The following ENTHD1 variants were observed in gnomAD, a reference collection of about 807,000 sequenced individuals.
ENTHD1 encodes ENTH domain-containing protein 1.
Under a neutral mutation model 39.1 loss-of-function variants are expected in ENTHD1, and 23 were observed. That is an observed-to-expected ratio of 0.59 (90% CI 0.42 to 0.83). The LOEUF is 0.83. Ranked by LOEUF, ENTHD1 falls within the 40% of genes least tolerant of loss-of-function variation. The probability of loss-of-function intolerance (pLI) is 0.00; values close to 1 mark genes in which losing one functional copy is unlikely to be tolerated. For synonymous variants in ENTHD1, 230 were observed against 258.2 expected, an observed-to-expected ratio of 0.89 and a Z score of 1.05; for missense variants, 624 against 705.4, an observed-to-expected ratio of 0.88 and a Z score of 1.31.
At chr22:39,759,767 G>T (rs1020257536) in intron 6 of ENTHD1, among the ~76,000 whole-genome samples, 1 of 151,476 alleles carries the variant, frequency 6.6e-6, no homozygotes, top group Non-Finnish European at 1.5e-5. Context: ...CACATTTTTT[G>T]ATTTTCATTA....
At chr22:39,817,578 T>C (rs1031285061) in intron 5 of ENTHD1, among the ~76,000 whole-genome samples, 8 of 152,198 alleles carry the variant, frequency 5.3e-5, no homozygotes, top group Admixed American at 2.0e-4. Flanking sequence ...AAACTGGTAA[T>C]AGTTCACTCT....
intron 3 of ENTHD1, among the ~76,000 whole-genome samples, chr22:39,855,589 T>TAA (rs111260316): frequency 4.4e-5 from 6 of 136,360 alleles, no homozygotes; most frequent in African/African-American, 1.4e-4. Flanking sequence ...TGTGACTTGT[T>TAA]AAAAAAAAAA....
chr22:39,816,355 G>A (rs1031484723), intron 5 of ENTHD1, among the ~76,000 whole-genome samples: 4 of 152,108 alleles, frequency 2.6e-5, no homozygotes, highest in Non-Finnish European at 4.4e-5. Flanking sequence ...GGAAAATAAC[G>A]CCATTTCATC....
At position 39,757,261 on chromosome 22, in the gene ENTHD1, ATTAT is replaced by A. The variant is rs368007094; in HGVS notation, c.1219+7958_1219+7961del. 1.7e-3 allele frequency among the ~76,000 whole-genome samples: 266 copies of A among 152,040 alleles called. 1 individual carries two copies. Among genetic ancestry groups the A allele is most frequent in the African/African-American group, 6.0e-3 (248 of 41,450 alleles). On this transcript the variant is annotated intron_variant, in intron 6 of 6. Transcript: ENST00000325157. ...GGTACTGTTTTAATTTCAATTTCTA[ATTAT>A]TTATTATTGTTGTTTGTTTTTTGAG...
chr22:39,816,903 A>G (rs1443457417), intron 5 of ENTHD1, among the ~76,000 whole-genome samples: 1 of 151,930 alleles, frequency 6.6e-6, no homozygotes, highest in Non-Finnish European at 1.5e-5. Context: ...ATCTATGTAT[A>G]TATCTATAGA....
intron 5 of ENTHD1, among the ~76,000 whole-genome samples, chr22:39,774,653 T>C (rs2065353490): frequency 6.6e-6 from 1 of 152,170 alleles, no homozygotes; most frequent in African/African-American, 2.4e-5. Context: ...CCCCAATACT[T>C]CTTCAAATTA....
chr22:39,884,286 C>A (rs1340316661), intron 2 of ENTHD1, among the ~76,000 whole-genome samples: 1 of 151,958 alleles, frequency 6.6e-6, no homozygotes, highest in Non-Finnish European at 1.5e-5. Context: ...TCAAGCAATT[C>A]TCGTGCCTCA....
In ENTHD1 at chr22:39,892,004, AT is replaced by A. The variant is rs1443150613; in HGVS notation, c.-156+1690del. Among the ~76,000 whole-genome samples the A allele has an allele frequency of 5.9e-5, 9 of 152,312 alleles. No individual in the cohort carries two copies. The South Asian group carries it at 1.0e-3, about 18-fold the overall frequency. ...TCCTATAAAGCATGATATTAAAAAA[AT>A]AAATAAATAAAATCTAGCTCTCATA... is the stretch of plus-strand genomic sequence containing the variant. On this transcript the variant is annotated intron_variant, in intron 1 of 6. Transcript: ENST00000325157.
intron 5 of ENTHD1, among the ~76,000 whole-genome samples, chr22:39,791,743 C>T (rs2065506075): frequency 6.6e-6 from 1 of 152,078 alleles, no homozygotes; most frequent in Admixed American, 6.6e-5. Flanking sequence ...TTTATTTTAA[C>T]TTTTATTTTT....
At chr22:39,786,494 A>G (rs1276210265) in intron 5 of ENTHD1, among the ~76,000 whole-genome samples, 1 of 152,032 alleles carries the variant, frequency 6.6e-6, no homozygotes, top group Non-Finnish European at 1.5e-5. Context: ...GAGGGCTGCA[A>G]CTCTGATTAG....
chr22:39,819,233 C>T (rs11704293), intron 5 of ENTHD1, among the ~76,000 whole-genome samples: 1,911 of 151,914 alleles, frequency 0.013, 18 homozygotes, highest in Non-Finnish European at 0.02. Context: ...GGCATGGTGG[C>T]GGGTGCCTGT....
chr22:39,798,883 G>A (rs2065574440), intron 5 of ENTHD1, among the ~76,000 whole-genome samples: 1 of 152,146 alleles, frequency 6.6e-6, no homozygotes, highest in African/African-American at 2.4e-5. Context: ...GATGGAGTGT[G>A]CAGTCCACTC....
At chr22:39,873,791 C>A (rs750231094) in intron 2 of ENTHD1, among the ~76,000 whole-genome samples, 4 of 152,190 alleles carry the variant, frequency 2.6e-5, no homozygotes, top group Non-Finnish European at 5.9e-5. Flanking sequence ...CTAGATGGAT[C>A]ACAGACCTAG....
rs536009664 is a variant in ENTHD1, at chr22:39,823,570, T to G, written c.712-2457A>C. On this transcript the variant is annotated intron_variant, in intron 4 of 6. Coordinates refer to ENST00000325157, the MANE Select transcript of ENTHD1 (RefSeq NM_152512.4). The stretch of plus-strand genomic sequence containing the variant: ...TTTAGCCATGTTGCCCAGGCTGGTC[T>G]CAAACTGCTGAGCTCAAACGATCCA... Among the ~76,000 whole-genome samples, 7 of 152,212 alleles carry G rather than the reference T, an allele frequency of 4.6e-5. No homozygotes were observed. The East Asian group carries it at 1.3e-3, about 29-fold the overall frequency.
rs2066199653 is a variant in ENTHD1 at position 39,867,800 on chromosome 22, A to T, written c.350-5793T>A. Among the ~76,000 whole-genome samples the T allele has an allele frequency of 1.3e-5, 2 of 152,194 alleles. No individual in the cohort carries two copies. Among genetic ancestry groups the T allele is most frequent in the African/African-American group, 4.8e-5 (2 of 41,444 alleles). On this transcript the variant is annotated intron_variant, in intron 2 of 6. Coordinates refer to ENST00000325157, the MANE Select transcript of ENTHD1 (RefSeq NM_152512.4). This position sits in a 1 kb window ranked among gnomAD's most constrained non-coding sequence, Gnocchi z 4.5. ...GAGAGCACAACTCCGTCTCAAAAAA[A>T]AAATCCCTCCAGTCAAGTTGACACA...
At chr22:39,807,334 C>T (rs2065650725) in intron 5 of ENTHD1, among the ~76,000 whole-genome samples, 1 of 152,166 alleles carries the variant, frequency 6.6e-6, no homozygotes, top group South Asian at 2.1e-4. Context: ...GCCACTTTGC[C>T]AGGGAAGCTC....
chr22:39,765,670 ATC>A (rs898725877), intron 5 of ENTHD1, 61 bp from the exon 6 acceptor site: 99 of 1,412,460 alleles, frequency 7.0e-5, no homozygotes, highest in African/African-American at 1.0e-4. Context: ...TCTATTTCAA[ATC>A]TGTTATAATT....
intron 1 of ENTHD1, among the ~76,000 whole-genome samples, chr22:39,893,030 A>C (rs2066439990): frequency 6.6e-6 from 1 of 152,168 alleles, no homozygotes; most frequent in Non-Finnish European, 1.5e-5. Context: ...GGTGCACAAG[A>C]CACAGTCCTC....
chr22:39,793,460 AT>A (rs2065521833), intron 5 of ENTHD1, among the ~76,000 whole-genome samples: 1 of 151,514 alleles, frequency 6.6e-6, no homozygotes, highest in Admixed American at 6.6e-5. Flanking sequence ...CACCTTGTTC[AT>A]TGTTTCCTTT....
Sources: allele counts gnomAD v4.1 joint callset (sites outside exome capture counted in the v4.1 genomes callset), GRCh38; gene constraint gnomAD v4.1.1; non-coding constraint Gnocchi (gnomAD v3.1); transcripts MANE v1.5; gene names NCBI Gene and HGNC (gene_info 2026-07-23, HGNC 2026-07-21).